Variants in OGDH observed in about 807,000 individuals in gnomAD.
OGDH encodes the protein oxoglutarate dehydrogenase.
In OGDH, 38 loss-of-function variants were observed where a neutral mutation model predicts 116.6. The ratio of observed to expected loss-of-function variants is 0.33; its 90% CI spans 0.25 to 0.43. The LOEUF is 0.43. OGDH is among the 20% of genes least tolerant of loss of function. The pLI, the probability that OGDH is intolerant of heterozygous loss-of-function variation, is 1.00. For synonymous variants in OGDH, 488 were observed against 533.3 expected, an observed-to-expected ratio of 0.92 and a Z score of 1.17; for missense variants, 825 against 1,357.2, an observed-to-expected ratio of 0.61 and a Z score of 6.16.
chr7:44,630,233 G>T (rs1451726307), intron 2 of OGDH, among the ~76,000 whole-genome samples: 1 of 152,238 alleles, frequency 6.6e-6, no homozygotes, highest in Non-Finnish European at 1.5e-5. Context: ...CCATGGTTGT[G>T]TCCTGGCCTG....
chr7:44,658,997 C>T (rs1786816293), intron 4 of OGDH, among the ~76,000 whole-genome samples: 1 of 152,038 alleles, frequency 6.6e-6, no homozygotes, highest in Non-Finnish European at 1.5e-5. Context: ...CCACCACGCC[C>T]AGCTAATTTT....
intron 1 of OGDH, among the ~76,000 whole-genome samples, chr7:44,610,493 G>A (rs983352180): frequency 1.3e-5 from 2 of 151,896 alleles, no homozygotes; most frequent in East Asian, 1.9e-4. Context: ...TAGTAGAGAC[G>A]GGGTTTCACC....
chr7:44,686,479 T>A (rs1273924977), intron 10 of OGDH, among the ~76,000 whole-genome samples: 1 of 152,182 alleles, frequency 6.6e-6, no homozygotes, highest in African/African-American at 2.4e-5. Flanking sequence ...ATGAGGGGTA[T>A]TGATCTTTTG....
At chr7:44,624,291 GTT>G (rs200113572) in intron 1 of OGDH, 24 bp from the exon 2 acceptor site, 11,745 of 752,496 alleles carry the variant, frequency 0.016, 11 homozygotes, top group African/African-American at 0.054. Context: ...TTTCTTTCTT[GTT>G]TTTTTTTTTT....
At chr7:44,679,465 G>T (rs1334148853) in intron 9 of OGDH, among the ~76,000 whole-genome samples, 2 of 152,138 alleles carry the variant, frequency 1.3e-5, no homozygotes, top group Non-Finnish European at 2.9e-5. Flanking sequence ...AAAAATTCTA[G>T]GTTTTGTCCC....
At position 44,693,958 on chromosome 7, in the gene OGDH, C is replaced by A; in HGVS notation, c.1469C>A (p.Ala490Glu). ...GCTGTCATGTACGTGTGCAAAGTGG[C>A]GGCCGAGTGGAGGAGCACCTTCCAC... ...PEAVMYVCKV[A>E]AEWRSTFHKD... Residue 490 changes from alanine (A) to glutamate (E), a missense_variant, in exon 11 of 23, where the codon GCG becomes GAG. Around this residue, in one of 7 missense-constraint regions of OGDH, gnomAD observed 146 missense variants for 317.3 expected, o/e 0.46. Transcript: ENST00000222673. 6.2e-7 allele frequency: 1 copy of A among 1,613,904 alleles called. No homozygotes were observed. The highest frequency in any genetic ancestry group is 8.5e-7 in the Non-Finnish European group (1 of 1,179,866).
intron 4 of OGDH, among the ~76,000 whole-genome samples, chr7:44,658,452 C>CTTTT (rs759195013): frequency 1.5e-5 from 2 of 132,674 alleles, no homozygotes; most frequent in African/African-American, 2.8e-5. Context: ...CATTCTAGGG[C>CTTTT]TTTTTTTTTT....
At chr7:44,675,325 G>C in intron 8 of OGDH, 57 bp downstream of exon 8, 2 of 1,380,070 alleles carry the variant, frequency 1.4e-6, no homozygotes, top group Non-Finnish European at 2.1e-6. Flanking sequence ...CAAGACCCCT[G>C]GCTCCACTTC....
In OGDH at chr7:44,674,312, T is replaced by A. The variant is rs181614441; in HGVS notation, c.789-99T>A. On this transcript the variant is annotated intron_variant, in intron 6 of 22. Coordinates refer to ENST00000222673, the MANE Select transcript of OGDH (RefSeq NM_002541.4). ...TGCCCACCTCGGCCTCCCAAGGTGC[T>A]GGGATTACAGGTGTGAGCCTCCATG... The A allele has an allele frequency of 8.3e-5, 123 of 1,477,386 alleles. 2 individuals are homozygous for A. In the East Asian group the frequency reaches 1.9e-3, roughly 23 times the overall value. The allele number at this position is 1,477,386 out of a possible 1,614,324, so 91.5% of individuals were successfully genotyped here.
intron 5 of OGDH, among the ~76,000 whole-genome samples, chr7:44,673,191 C>T (rs1398657062): frequency 6.6e-6 from 1 of 152,028 alleles, no homozygotes; most frequent in African/African-American, 2.4e-5. Flanking sequence ...CATAGTGAGA[C>T]CTCATCTCTC....
chr7:44,635,567 G>A (rs1785629992), intron 2 of OGDH, among the ~76,000 whole-genome samples: 1 of 152,164 alleles, frequency 6.6e-6, no homozygotes, highest in Non-Finnish European at 1.5e-5. Context: ...GTCTGTAGGG[G>A]CTATGGATAG....
rs891554029 is a variant in OGDH at position 44,694,683 on chromosome 7, G to A, written c.1668+107G>A. The A allele has an allele frequency of 5.2e-5, 64 of 1,219,278 alleles. 1 individual carries two copies. Among genetic ancestry groups the A allele is most frequent in the Middle Eastern group, 2.3e-4 (1 of 4,322 alleles). The allele number at this position is 1,219,278 out of a possible 1,614,324, so 75.5% of individuals were successfully genotyped here. A position where few individuals can be genotyped will look rare whatever the true frequency, so the allele number is the denominator to read the frequency against. On this transcript the variant is annotated intron_variant, in intron 12 of 22. Coordinates refer to ENST00000222673, the MANE Select transcript of OGDH (RefSeq NM_002541.4). The surrounding 1 kb of genome is among the most constrained non-coding windows in gnomAD (Gnocchi z 4.2). ...ACTTTTGCCAGTTATGAGGATACAC[G>A]TGAGAGGATGTGAAATATTTACAAC...
At chr7:44,640,985 C>T (rs1375699991) in intron 2 of OGDH, among the ~76,000 whole-genome samples, 2 of 151,284 alleles carry the variant, frequency 1.3e-5, no homozygotes, top group Non-Finnish European at 2.9e-5. Context: ...CCTCCGACTC[C>T]CTGGTTCAAG....
intron 4 of OGDH, among the ~76,000 whole-genome samples, chr7:44,661,950 T>G (rs548874071): frequency 6.6e-6 from 1 of 152,318 alleles, no homozygotes; most frequent in Non-Finnish European, 1.5e-5. Flanking sequence ...GTTTTAGGTA[T>G]TACTACTTTA....
chr7:44,698,173 C>G lies in OGDH; in HGVS notation c.2359-19C>G. 6.2e-7 allele frequency: 1 copy of G among 1,614,128 alleles called. No individual in the cohort carries two copies. Among genetic ancestry groups the G allele is most frequent in the Non-Finnish European group, 8.5e-7 (1 of 1,179,970 alleles). ...GTACGCAAGAGCTCTTAAACTGTAA[C>G]TTGCGTGTGTGGTTCCAGGGTCCAG... is the stretch of plus-strand genomic sequence containing the variant. On this transcript the variant is annotated intron_variant, in intron 17 of 22. Transcript: ENST00000222673.
At chr7:44,620,542 G>C (rs764010531) in intron 1 of OGDH, among the ~76,000 whole-genome samples, 46 of 152,134 alleles carry the variant, frequency 3.0e-4, no homozygotes, top group Non-Finnish European at 6.0e-4. Context: ...TTCCTCTTTA[G>C]ACGTGGAACT....
chr7:44,697,421 C>A lies in OGDH; in HGVS notation c.2103C>A (p.Ile701=), dbSNP rs1170350585. The change falls in exon 16 of 23, where the codon ATC becomes ATA. Residue 701 remains isoleucine (I), a synonymous_variant. Coordinates refer to ENST00000222673, the MANE Select transcript of OGDH (RefSeq NM_002541.4). The surrounding 1 kb of genome is among the most constrained non-coding windows in gnomAD (Gnocchi z 6.0). ...HDQNVDKRTC[I]PMNHLWPNQA... The stretch of plus-strand genomic sequence containing the variant: ...AGAATGTGGACAAGAGAACCTGCAT[C>A]CCCATGAACCATCTCTGGCCCAATC... 2 of 1,614,096 alleles carry A rather than the reference C, an allele frequency of 1.2e-6. No homozygotes were observed. The highest frequency in any genetic ancestry group is 2.7e-5 in the African/African-American group (2 of 74,934).
Position 44,697,933 on chromosome 7 carries a change from C to T in OGDH, c.2358+151C>T. On this transcript the variant is annotated intron_variant, in intron 17 of 22. Coordinates refer to ENST00000222673, the MANE Select transcript of OGDH (RefSeq NM_002541.4). The surrounding 1 kb of genome is among the most constrained non-coding windows in gnomAD (Gnocchi z 6.0). The stretch of plus-strand genomic sequence containing the variant: ...CCCATCCATCTCAGATGGGATGTCA[C>T]TTCAGAAAGCCAGAGTAGCCCATCT... 1 of 1,054,758 alleles carries T rather than the reference C, an allele frequency of 9.5e-7. No individual in the cohort carries two copies. Among genetic ancestry groups the T allele is most frequent in the East Asian group, 2.6e-5 (1 of 38,548 alleles). 65.3% of individuals were successfully genotyped at this position (1,054,758 alleles called of 1,614,324 possible).
chr7:44,671,805 C>G (rs975112030), intron 5 of OGDH, among the ~76,000 whole-genome samples: 6 of 149,210 alleles, frequency 4.0e-5, no homozygotes, highest in Non-Finnish European at 7.4e-5. Context: ...CGCGGTGGCT[C>G]ACGCCTGTAA....
Sources: allele counts gnomAD v4.1 joint callset (sites outside exome capture counted in the v4.1 genomes callset), GRCh38; gene constraint gnomAD v4.1.1; regional missense constraint gnomAD v4.1.1; non-coding constraint Gnocchi (gnomAD v3.1); transcripts MANE v1.5; gene names NCBI Gene and HGNC (gene_info 2026-07-23, HGNC 2026-07-21).